Variants in FGD5 observed in about 807,000 individuals in gnomAD.
FGD5 encodes the protein FYVE, RhoGEF and PH domain-containing protein 5.
Under a neutral mutation model 133.4 loss-of-function variants are expected in FGD5, and 28 were observed. That is an observed-to-expected ratio of 0.21 (90% CI 0.16 to 0.29). FGD5 has a LOEUF of 0.29. Ranked by LOEUF, FGD5 falls within the 10% of genes least tolerant of loss-of-function variation. The probability of loss-of-function intolerance (pLI) is 1.00; values close to 1 mark genes in which losing one functional copy is unlikely to be tolerated. For missense variants in FGD5, 1,858 were observed against 1,895.2 expected (o/e 0.98, Z 0.36); for synonymous variants, 810 against 776.5 (o/e 1.04, Z -0.72).
chr3:14,820,404 G>C lies in FGD5; in HGVS notation c.1333G>C (p.Gly445Arg). The C allele has an allele frequency of 6.2e-7, 1 of 1,613,996 alleles. No individual in the cohort carries two copies. The highest frequency in any genetic ancestry group is 1.7e-5 in the Admixed American group (1 of 60,028). ...GLPGQAAPGE[G>R]GQAASDALGG... ...GCCCGGTCAGGCGGCCCCTGGAGAA[G>C]GAGGGCAGGCTGCATCGGACGCCCT... Residue 445 changes from glycine to arginine, a missense_variant, in exon 1 of 20, where the codon GGA becomes CGA. Physicochemically the swap from Gly to Arg is moderately radical, Grantham distance 125. This residue lies in a region of FGD5 where 1,824 missense variants were observed against 1,848.9 expected (regional missense o/e 0.99). Coordinates refer to ENST00000285046, the MANE Select transcript of FGD5 (RefSeq NM_152536.4).
At chr3:14,888,167 C>T (rs1314639137) in intron 4 of FGD5, among the ~76,000 whole-genome samples, 2 of 54,652 alleles carry the variant, frequency 3.7e-5, no homozygotes, top group Non-Finnish European at 4.0e-5. Context: ...GATCCTTTCT[C>T]GAAAAAAAAA....
rs747175652 is a variant in FGD5, at chr3:14,819,404, G to T, written c.333G>T (p.Leu111=). 1.9e-6 allele frequency: 3 copies of T among 1,549,862 alleles called. No homozygotes were observed. The highest frequency in any genetic ancestry group is 2.4e-5 in the South Asian group (2 of 83,876). ...AAGAGGGAGGCGAGGCATGTGGCCT[G>T]GAGGGTACAGGAGCTGGTGAGGATT... The part of the protein sequence containing the change: ...EREEGGEACG[L]EGTGAGEDSV... Residue 111 remains leucine, a synonymous_variant, in exon 1 of 20, where the codon CTG becomes CTT. Transcript: ENST00000285046. This position sits in a 1 kb window ranked among gnomAD's most constrained non-coding sequence, Gnocchi z 4.1.
At chr3:14,880,286 C>T (rs183252007) in intron 2 of FGD5, among the ~76,000 whole-genome samples, 97 of 152,168 alleles carry the variant, frequency 6.4e-4, no homozygotes, top group Admixed American at 2.2e-3. Context: ...CCTGAGAATT[C>T]GAGTCTGCAG....
At chr3:14,881,289 T>C (rs2037820305) in intron 4 of FGD5, among the ~76,000 whole-genome samples, 1 of 139,434 alleles carries the variant, frequency 7.2e-6, no homozygotes, top group South Asian at 2.4e-4. Context: ...GAGGCCAGAC[T>C]TGGGGACAGG....
intron 17 of FGD5, among the ~76,000 whole-genome samples, chr3:14,925,508 A>G (rs1474261615): frequency 1.3e-5 from 2 of 152,224 alleles, no homozygotes; most frequent in African/African-American, 4.8e-5. Flanking sequence ...TAGAGCCTGA[A>G]TGGGAAATCC....
chr3:14,885,212 G>T (rs2037901921), intron 4 of FGD5, among the ~76,000 whole-genome samples: 1 of 151,804 alleles, frequency 6.6e-6, no homozygotes, highest in South Asian at 2.1e-4. Context: ...TTGGAAGAAG[G>T]GGTCAGGGGG....
At chr3:14,887,357 C>A (rs998850962) in intron 4 of FGD5, among the ~76,000 whole-genome samples, 5 of 151,998 alleles carry the variant, frequency 3.3e-5, no homozygotes, top group African/African-American at 9.7e-5. Flanking sequence ...AGTTCTCCTC[C>A]CAGCAGTCCT....
intron 1 of FGD5, among the ~76,000 whole-genome samples, chr3:14,857,257 TCTC>T (rs1414084026): frequency 6.6e-6 from 1 of 151,970 alleles, no homozygotes; most frequent in East Asian, 1.9e-4. Context: ...CTCAAGCAAT[TCTC>T]CTGCCTCAGC....
chr3:14,913,950 C>A (rs1979704), intron 11 of FGD5, among the ~76,000 whole-genome samples: 1 of 152,166 alleles, frequency 6.6e-6, no homozygotes, highest in Non-Finnish European at 1.5e-5. Flanking sequence ...CACACTCCCC[C>A]CGTCTGGCAT....
chr3:14,909,800 G>T (rs1248641065), intron 10 of FGD5, among the ~76,000 whole-genome samples: 12 of 132,648 alleles, frequency 9.0e-5, no homozygotes, highest in African/African-American at 3.4e-4. Context: ...TTGCTCTGTT[G>T]CCCAGACTGG....
At chr3:14,869,184 C>T (rs2037557335) in intron 2 of FGD5, among the ~76,000 whole-genome samples, 1 of 152,096 alleles carries the variant, frequency 6.6e-6, no homozygotes, top group Admixed American at 6.6e-5. Context: ...GTCCCAGCTA[C>T]TTTGGAGGCT....
intron 8 of FGD5, among the ~76,000 whole-genome samples, chr3:14,900,661 C>G (rs566785041): frequency 6.6e-6 from 1 of 152,114 alleles, no homozygotes; most frequent in Non-Finnish European, 1.5e-5. Context: ...GTGGGGACAT[C>G]CTAGGACGGG....
chr3:14,884,659 A>T (rs1253902037), intron 4 of FGD5, among the ~76,000 whole-genome samples: 1 of 152,164 alleles, frequency 6.6e-6, no homozygotes, highest in Non-Finnish European at 1.5e-5. Flanking sequence ...TCGACAGGGC[A>T]CGGTGGTGGG....
chr3:14,812,443 T>G (rs991116324), intron 1 of FGD5, among the ~76,000 whole-genome samples: 1 of 152,238 alleles, frequency 6.6e-6, no homozygotes, highest in African/African-American at 2.4e-5. Flanking sequence ...TGCATGAGGC[T>G]TGGGCAGACC....
Position 14,922,233 on chromosome 3 carries a change from CTGTT to C in FGD5, c.3670-176_3670-173del. 1.9e-6 allele frequency: 2 copies of C among 1,065,732 alleles called. No individual in the cohort carries two copies. Among genetic ancestry groups the C allele is most frequent in the African/African-American group, 3.1e-5 (2 of 63,590 alleles). 66.0% of individuals were successfully genotyped at this position (1,065,732 alleles called of 1,614,324 possible). On this transcript the variant is annotated intron_variant, in intron 14 of 19. Transcript: ENST00000285046. This position sits in a 1 kb window ranked among gnomAD's most constrained non-coding sequence, Gnocchi z 4.1. Reference sequence around the variant, plus strand: ...CCACAGTCTTGTTCTCACAGTCTGGCTGTTTCCCAACCAAGGGTGAGCATCCTGG... The same window carrying C: ...CCACAGTCTTGTTCTCACAGTCTGGCTCCCAACCAAGGGTGAGCATCCTGG...
intron 10 of FGD5, 129 bp from the exon 11 acceptor site, chr3:14,910,732 A>T: frequency 1.4e-6 from 1 of 717,258 alleles, no homozygotes; most frequent in Non-Finnish European, 2.3e-6. Flanking sequence ...TTAAGTTTCC[A>T]CTCAGGGGCC....
At chr3:14,907,939 T>C (rs899384504) in intron 10 of FGD5, among the ~76,000 whole-genome samples, 2 of 152,196 alleles carry the variant, frequency 1.3e-5, no homozygotes, top group Admixed American at 6.5e-5. Flanking sequence ...AGTTAAAGAC[T>C]CAGCGCCAGG....
At chr3:14,866,049 T>C (rs910721971) in intron 2 of FGD5, among the ~76,000 whole-genome samples, 3 of 151,836 alleles carry the variant, frequency 2.0e-5, no homozygotes, top group African/African-American at 7.3e-5. Context: ...GGAGGGCTGA[T>C]GGAGCAGTGG....
At position 14,919,474 on chromosome 3, in the gene FGD5, C is replaced by T. The variant is rs1470207882; in HGVS notation, c.3569+641C>T. Among the ~76,000 whole-genome samples the T allele has an allele frequency of 5.3e-5, 8 of 152,198 alleles. No individual in the cohort carries two copies. In the East Asian group the frequency reaches 5.8e-4, roughly 11 times the overall value. On this transcript the variant is annotated intron_variant, in intron 13 of 19. Transcript: ENST00000285046. ...TCTACTAAAAATACAAAAAATTAGC[C>T]GGGCGTGGTGGCAGGCACCTGTAGT...
Sources: allele counts gnomAD v4.1 joint callset (sites outside exome capture counted in the v4.1 genomes callset), GRCh38; gene constraint gnomAD v4.1.1; regional missense constraint gnomAD v4.1.1; non-coding constraint Gnocchi (gnomAD v3.1); transcripts MANE v1.5; gene names NCBI Gene and HGNC (gene_info 2026-07-23, HGNC 2026-07-21).